The following PARD6G variants were observed in gnomAD, a reference collection of about 807,000 sequenced individuals.
PARD6G encodes partitioning defective 6 homolog gamma.
A neutral mutation model predicts 10.7 loss-of-function variants in PARD6G; 7 were observed. The observed-to-expected ratio is 0.66, with a 90% CI of 0.37 to 1.23. PARD6G has a LOEUF of 1.23. Among genes scored for constraint, PARD6G ranks in the 50% most tolerant of loss-of-function variants. The pLI is 0.02. For missense variants in PARD6G, 548 were observed against 571.8 expected (o/e 0.96, Z 0.42); for synonymous variants, 287 against 269.4 (o/e 1.07, Z -0.64).
intron 2 of PARD6G, among the ~76,000 whole-genome samples, chr18:80,168,557 TTCAG>T (rs1160785176): frequency 6.6e-6 from 1 of 151,288 alleles, no homozygotes; most frequent in South Asian, 2.1e-4. Context: ...ATATCCTGTT[TTCAG>T]TCAAATTATG....
At chr18:80,174,936 C>G (rs1372137748) in intron 2 of PARD6G, among the ~76,000 whole-genome samples, 2 of 151,872 alleles carry the variant, frequency 1.3e-5, no homozygotes, top group African/African-American at 4.8e-5. Context: ...GCGACAGAGC[C>G]AGACTCCATC....
intron 1 of PARD6G, among the ~76,000 whole-genome samples, chr18:80,216,194 C>T (rs1967163918): frequency 6.6e-6 from 1 of 151,962 alleles, no homozygotes; most frequent in South Asian, 2.1e-4. Flanking sequence ...ACTTTAATAT[C>T]CCAATTTTTA....
At position 80,158,442 on chromosome 18, in the gene PARD6G, C is replaced by T. The variant is rs1456298097; in HGVS notation, c.*1329G>A. On this transcript the variant is annotated 3_prime_UTR_variant, in exon 3 of 3. Coordinates refer to ENST00000353265, the MANE Select transcript of PARD6G (RefSeq NM_032510.4). ...CACAGGAAAAGGGTCATCTTAGAGG[C>T]AATAGAGGCTTACATCCCAAATGGG... The T allele has an allele frequency of 6.6e-6, 1 of 152,238 alleles. No homozygotes were observed. Among genetic ancestry groups the T allele is most frequent in the African/African-American group, 2.4e-5 (1 of 41,452 alleles). 9.4% of individuals were successfully genotyped at this position (152,238 alleles called of 1,614,324 possible).
intron 1 of PARD6G, among the ~76,000 whole-genome samples, chr18:80,236,151 C>T (rs1967419636): frequency 6.6e-6 from 1 of 152,202 alleles, no homozygotes; most frequent in African/African-American, 2.4e-5. Context: ...AGCTTATCCA[C>T]CACGATCAAT....
chr18:80,241,171 G>A (rs1967485776), intron 1 of PARD6G, among the ~76,000 whole-genome samples: 1 of 152,228 alleles, frequency 6.6e-6, no homozygotes, highest in Admixed American at 6.5e-5. Context: ...CCCTATGCAC[G>A]GTGAGCTGGG....
At chr18:80,186,388 C>T (rs1327890918) in intron 2 of PARD6G, among the ~76,000 whole-genome samples, 8 of 142,468 alleles carry the variant, frequency 5.6e-5, no homozygotes, top group African/African-American at 2.1e-4. Context: ...TGCTCGCACA[C>T]CCTCACACAT....
chr18:80,224,614 G>C (rs760268618), intron 1 of PARD6G, among the ~76,000 whole-genome samples: 1 of 152,180 alleles, frequency 6.6e-6, no homozygotes, highest in African/African-American at 2.4e-5. Context: ...TTGAGAGGCC[G>C]AGGCGGGCGG....
rs1966996291 is a variant in PARD6G, at chr18:80,200,252, C to T, written c.295+2458G>A. On this transcript the variant is annotated intron_variant, in intron 2 of 2. Transcript: ENST00000353265. The surrounding 1 kb of genome is among the most constrained non-coding windows in gnomAD (Gnocchi z 4.4). ...AAACACACAGATTATGAAACATCAGCACAGATTACTATGCAGGGAGGGTGC... is the reference window on the plus strand; with the variant it reads ...AAACACACAGATTATGAAACATCAGTACAGATTACTATGCAGGGAGGGTGC... Among the ~76,000 whole-genome samples the T allele has an allele frequency of 6.6e-6, 1 of 152,122 alleles. No individual in the cohort carries two copies. The highest frequency in any genetic ancestry group is 2.4e-5 in the African/African-American group (1 of 41,422).
intron 2 of PARD6G, among the ~76,000 whole-genome samples, chr18:80,164,146 C>A (rs2145243354): frequency 6.6e-6 from 1 of 152,348 alleles, no homozygotes; most frequent in Middle Eastern, 3.4e-3. Context: ...CACACAGAGC[C>A]TGGACCCTCA....
At chr18:80,219,695 T>G (rs1967209116) in intron 1 of PARD6G, among the ~76,000 whole-genome samples, 1 of 152,116 alleles carries the variant, frequency 6.6e-6, no homozygotes, top group Non-Finnish European at 1.5e-5. Context: ...ATAGCAAGAG[T>G]GACCTTTACT....
chr18:80,215,089 G>A (rs995351367), intron 1 of PARD6G, among the ~76,000 whole-genome samples: 1 of 151,916 alleles, frequency 6.6e-6, no homozygotes, highest in African/African-American at 2.4e-5. Context: ...GTTTGGGGAA[G>A]GCAGTGGGGA....
In PARD6G at chr18:80,184,862, T is replaced by A. The variant is rs868022987; in HGVS notation, c.295+17848A>T. On this transcript the variant is annotated intron_variant, in intron 2 of 2. Transcript: ENST00000353265. This position sits in a 1 kb window ranked among gnomAD's most constrained non-coding sequence, Gnocchi z 4.5. Reference sequence around the variant, plus strand: ...GGTGGTGAAAATGTTCTAAACTGACTATGGCTGCACAACTCTGTGAACACA... The same window carrying A: ...GGTGGTGAAAATGTTCTAAACTGACAATGGCTGCACAACTCTGTGAACACA... 4 of 152,192 alleles carry A rather than the reference T, an allele frequency of 2.6e-5. No individual in the cohort carries two copies. Among genetic ancestry groups the A allele is most frequent in the Admixed American group, 6.5e-5 (1 of 15,280 alleles). 9.4% of individuals were successfully genotyped at this position (152,192 alleles called of 1,614,324 possible).
Position 80,182,864 on chromosome 18 carries a change from T to C in PARD6G, c.295+19846A>G. Reference sequence around the variant, plus strand: ...CCCAGAGAACTTTTAAATCTGATGTTATAGTTTTATTTCTTAGTTCTAGGT... The same window carrying C: ...CCCAGAGAACTTTTAAATCTGATGTCATAGTTTTATTTCTTAGTTCTAGGT... On this transcript the variant is annotated intron_variant, in intron 2 of 2. Coordinates refer to ENST00000353265, the MANE Select transcript of PARD6G (RefSeq NM_032510.4). This position sits in a 1 kb window ranked among gnomAD's most constrained non-coding sequence, Gnocchi z 4.5. 2.2e-6 allele frequency: 1 copy of C among 464,014 alleles called. No individual in the cohort carries two copies. The highest frequency in any genetic ancestry group is 3.8e-6 in the Non-Finnish European group (1 of 262,622). 28.7% of individuals were successfully genotyped at this position (464,014 alleles called of 1,614,324 possible). A position where few individuals can be genotyped will look rare whatever the true frequency, so the allele number is the denominator to read the frequency against.
At chr18:80,185,529 T>G (rs1283898421) in intron 2 of PARD6G, among the ~76,000 whole-genome samples, 1 of 152,048 alleles carries the variant, frequency 6.6e-6, no homozygotes, top group Non-Finnish European at 1.5e-5. Context: ...GAGCCAACAT[T>G]ACCTGAATGT....
intron 1 of PARD6G, among the ~76,000 whole-genome samples, chr18:80,227,436 A>T (rs531669378): frequency 1.1e-4 from 16 of 152,314 alleles, no homozygotes; most frequent in African/African-American, 3.6e-4. Context: ...ATCTTCCCCC[A>T]TCTGGAGCCA....
intron 1 of PARD6G, among the ~76,000 whole-genome samples, chr18:80,223,473 A>G (rs570003872): frequency 1.9e-3 from 293 of 152,352 alleles, no homozygotes; most frequent in Non-Finnish European, 3.7e-3. Flanking sequence ...TTTAATAGAC[A>G]TTCCCCAAAA....
At chr18:80,176,600 T>C (rs961263088) in intron 2 of PARD6G, among the ~76,000 whole-genome samples, 1 of 152,100 alleles carries the variant, frequency 6.6e-6, no homozygotes, top group Non-Finnish European at 1.5e-5. Context: ...GGGCTGCAGC[T>C]TGCTATGGAA....
At chr18:80,165,289 A>C (rs375714987) in intron 2 of PARD6G, among the ~76,000 whole-genome samples, 18 of 152,320 alleles carry the variant, frequency 1.2e-4, no homozygotes, top group African/African-American at 4.3e-4. Flanking sequence ...TTGCTAAGAA[A>C]AGAATTTAGT....
intron 2 of PARD6G, among the ~76,000 whole-genome samples, chr18:80,194,215 A>T (rs1477809618): frequency 1.3e-5 from 2 of 152,204 alleles, no homozygotes; most frequent in Non-Finnish European, 2.9e-5. Flanking sequence ...TTAATGTGAC[A>T]GCGCCACTCA....
Sources: gnomAD v4.1 joint callset for allele counts (sites outside exome capture counted in the v4.1 genomes callset) on GRCh38, gnomAD v4.1.1 for gene constraint, Gnocchi (gnomAD v3.1) non-coding constraint, MANE v1.5 for transcripts, NCBI Gene and HGNC (gene_info 2026-07-23, HGNC 2026-07-21) for gene names.